PPP6R2: variants seen among roughly 807,000 people sequenced by gnomAD.
PPP6R2 encodes the protein serine/threonine-protein phosphatase 6 regulatory subunit 2.
PPP6R2 carries 62 observed loss-of-function variants against 100.2 expected under a neutral mutation model. The observed-to-expected ratio is 0.62, with a 90% CI of 0.50 to 0.76. The LOEUF (loss-of-function observed/expected upper bound fraction) is 0.76, where lower values mean the gene tolerates loss of function less well. PPP6R2 is among the 30% of genes least tolerant of loss of function. PPP6R2 has a pLI of 0.00. For synonymous variants in PPP6R2, 525 were observed against 514.7 expected, an observed-to-expected ratio of 1.02 and a Z score of -0.27; for missense variants, 1,142 against 1,276.3, an observed-to-expected ratio of 0.89 and a Z score of 1.60.
intron 2 of PPP6R2, among the ~76,000 whole-genome samples, chr22:50,378,088 G>A (rs550028213): frequency 3.5e-4 from 53 of 151,982 alleles, no homozygotes; most frequent in Admixed American, 2.5e-3. Flanking sequence ...CCAAAGGAGA[G>A]TAAAACTACA....
intron 22 of PPP6R2, chr22:50,443,398 A>AGCCAGGG (rs1343219831): frequency 6.3e-6 from 1 of 159,178 alleles, no homozygotes; most frequent in Non-Finnish European, 1.4e-5. Context: ...CCCTGCAGGA[A>AGCCAGGG]GCCAGGGGGC....
chr22:50,385,704 C>T (rs2054088074), intron 2 of PPP6R2, among the ~76,000 whole-genome samples: 1 of 150,088 alleles, frequency 6.7e-6, no homozygotes, highest in Non-Finnish European at 1.5e-5. Flanking sequence ...TTAGTAGAGA[C>T]AGGGTTTCAC....
rs1262097944 is a variant in PPP6R2, at chr22:50,432,318, C to T, written c.1389C>T (p.Asn463=). 24 of 1,549,218 alleles carry T rather than the reference C, an allele frequency of 1.5e-5. No homozygotes were observed. The highest frequency in any genetic ancestry group is 3.9e-5 in the Admixed American group (2 of 50,996). Reference sequence around the variant, plus strand: ...GGATCCTGGAGGCCTGGGAAGCCAACGACCACACGCAGTAAGAGCCGCTCG... The same window carrying T: ...GGATCCTGGAGGCCTGGGAAGCCAATGACCACACGCAGTAAGAGCCGCTCG... The part of the protein sequence containing the change: ...VQRILEAWEA[N]DHTQAAGGMR... Residue 463 remains asparagine, a synonymous_variant, in exon 12 of 24, where the codon AAC becomes AAT. Coordinates refer to ENST00000612753, the MANE Select transcript of PPP6R2 (RefSeq NM_001242898.2).
At position 50,431,054 on chromosome 22, in the gene PPP6R2, G is replaced by T; in HGVS notation, c.1126-119G>T. 3 of 778,862 alleles carry T rather than the reference G, an allele frequency of 3.9e-6. No homozygotes were observed. In the South Asian group the frequency reaches 5.0e-5, roughly 13 times the overall value. The allele number at this position is 778,862 out of a possible 1,614,324, so 48.2% of individuals were successfully genotyped here. A position where few individuals can be genotyped will look rare whatever the true frequency, so the allele number is the denominator to read the frequency against. ...CTTAAAACTCCTTCCTAGCTACCCA[G>T]AGACTGGACTTGTGAGGAGTTAGGA... On this transcript the variant is annotated intron_variant, in intron 10 of 23. Coordinates refer to ENST00000612753, the MANE Select transcript of PPP6R2 (RefSeq NM_001242898.2). The surrounding 1 kb of genome is among the most constrained non-coding windows in gnomAD (Gnocchi z 4.8).
intron 1 of PPP6R2, among the ~76,000 whole-genome samples, chr22:50,355,967 CTTT>C (rs138721205): frequency 7.0e-6 from 1 of 143,718 alleles, no homozygotes; most frequent in African/African-American, 2.6e-5. Flanking sequence ...GTATTTCCCT[CTTT>C]TTTTTTTTTT....
chr22:50,431,664 C>G lies in PPP6R2; in HGVS notation c.1335+282C>G, dbSNP rs549495908. 6.6e-6 allele frequency among the ~76,000 whole-genome samples: 1 copy of G among 152,142 alleles called. No homozygotes were observed. The highest frequency in any genetic ancestry group is 6.5e-5 in the Admixed American group (1 of 15,272). On this transcript the variant is annotated intron_variant, in intron 11 of 23. Transcript: ENST00000612753. The surrounding 1 kb of genome is among the most constrained non-coding windows in gnomAD (Gnocchi z 4.8). ...GAGATGAGTTCAGTCTGGCCTCCAG[C>G]TGGAGGCCCAGGGAATAAATGCCCA...
intron 1 of PPP6R2, among the ~76,000 whole-genome samples, chr22:50,350,057 G>A (rs767183068): frequency 2.0e-5 from 3 of 152,020 alleles, no homozygotes; most frequent in African/African-American, 7.2e-5. Flanking sequence ...GGTGGAGGTT[G>A]CACTGAGCCA....
chr22:50,420,625 C>T (rs909544777), intron 8 of PPP6R2, among the ~76,000 whole-genome samples: 2 of 152,224 alleles, frequency 1.3e-5, no homozygotes, highest in Non-Finnish European at 2.9e-5. Context: ...GCCGTTCAAG[C>T]AGTTGAAACT....
chr22:50,342,756 GCAA>G (rs764724890), upstream of PPP6R2, among the ~76,000 whole-genome samples: 13 of 152,358 alleles, frequency 8.5e-5, no homozygotes, highest in Non-Finnish European at 1.5e-4. Context: ...TACTTAATTT[GCAA>G]AACGCCGTGC....
At chr22:50,393,268 T>A (rs916783477) in intron 2 of PPP6R2, 1 of 431,734 alleles carries the variant, frequency 2.3e-6, no homozygotes, top group African/African-American at 2.2e-5. Context: ...TGGGTGTGAT[T>A]CAGCAAGATG....
In PPP6R2 at chr22:50,343,378, G is replaced by C. The variant is rs2042641267; in HGVS notation, c.-320G>C. On this transcript the variant is annotated 5_prime_UTR_variant, in exon 1 of 24. Transcript: ENST00000612753. ...CCGCCCGCGGCCCCGAGTCGGTCTC[G>C]AGCCGCCGGCCGGCCGTGCCGGTGT... is the stretch of plus-strand genomic sequence containing the variant. The C allele has an allele frequency of 6.6e-6, 1 of 150,744 alleles. No individual in the cohort carries two copies. The highest frequency in any genetic ancestry group is 6.6e-5 in the Admixed American group (1 of 15,152). The allele number at this position is 150,744 out of a possible 1,614,324, so 9.3% of individuals were successfully genotyped here.
chr22:50,352,379 G>A (rs1027344648), intron 1 of PPP6R2, among the ~76,000 whole-genome samples: 1 of 152,176 alleles, frequency 6.6e-6, no homozygotes, highest in African/African-American at 2.4e-5. Flanking sequence ...TGAAAAGAGT[G>A]AGGGCCTTAC....
chr22:50,442,576 G>A (rs1348369384), intron 22 of PPP6R2, among the ~76,000 whole-genome samples: 4 of 144,208 alleles, frequency 2.8e-5, no homozygotes, highest in African/African-American at 7.4e-5. Flanking sequence ...TTGAGACAGA[G>A]TCTTGCTCTG....
At chr22:50,346,572 A>G (rs1219400844) in intron 1 of PPP6R2, among the ~76,000 whole-genome samples, 1 of 101,354 alleles carries the variant, frequency 9.9e-6, no homozygotes, top group Non-Finnish European at 1.9e-5. Context: ...TTCCTGCACC[A>G]GTCAGTGTCC....
intron 10 of PPP6R2, among the ~76,000 whole-genome samples, chr22:50,426,855 C>T (rs1182813185): frequency 1.4e-5 from 2 of 145,444 alleles, no homozygotes; most frequent in Non-Finnish European, 3.0e-5. Context: ...AAAAAAACAC[C>T]GTCCTTTCCC....
At chr22:50,437,698 C>T (rs570197758) in intron 16 of PPP6R2, 95 bp downstream of exon 16, 41 of 1,404,344 alleles carry the variant, frequency 2.9e-5, no homozygotes, top group South Asian at 2.2e-4. Context: ...CCGGGAGTGC[C>T]GTCTGATGTC....
intron 10 of PPP6R2, among the ~76,000 whole-genome samples, chr22:50,428,003 A>T (rs531208071): frequency 4.5e-4 from 68 of 151,264 alleles, no homozygotes; most frequent in Admixed American, 7.9e-4. Flanking sequence ...TATAGGCGTG[A>T]GCCACCACGC....
intron 1 of PPP6R2, among the ~76,000 whole-genome samples, chr22:50,365,260 G>A (rs1044161936): frequency 6.6e-6 from 1 of 151,864 alleles, no homozygotes; most frequent in Non-Finnish European, 1.5e-5. Flanking sequence ...TAGTAGAGAC[G>A]GGGTTTCTTC....
chr22:50,389,696 T>C (rs929557836), intron 2 of PPP6R2, among the ~76,000 whole-genome samples: 1 of 152,098 alleles, frequency 6.6e-6, no homozygotes, highest in Admixed American at 6.6e-5. Flanking sequence ...CTTCCTGGGT[T>C]CCAGTGATTC....
Sources: allele counts gnomAD v4.1 joint callset (sites outside exome capture counted in the v4.1 genomes callset), GRCh38; gene constraint gnomAD v4.1.1; non-coding constraint Gnocchi (gnomAD v3.1); transcripts MANE v1.5; gene names NCBI Gene and HGNC (gene_info 2026-07-23, HGNC 2026-07-21).